The following GFPT2 variants were observed in gnomAD, a reference collection of about 807,000 sequenced individuals.
GFPT2 encodes the protein glutamine--fructose-6-phosphate aminotransferase [isomerizing] 2.
In GFPT2, 62 loss-of-function variants were observed where a neutral mutation model predicts 85.6. The ratio of observed to expected loss-of-function variants is 0.72; its 90% CI spans 0.59 to 0.90. The LOEUF is 0.90. Ranked by LOEUF, GFPT2 falls within the 40% of genes least tolerant of loss-of-function variation. The pLI is 0.00. For synonymous variants in GFPT2, 368 were observed against 344.5 expected, an observed-to-expected ratio of 1.07 and a Z score of -0.75; for missense variants, 788 against 893.4, an observed-to-expected ratio of 0.88 and a Z score of 1.50.
Position 180,316,754 on chromosome 5 carries a change from TCA to T in GFPT2, c.1152+8_1152+9del. ...CCGTCGACTTCCCCACGCACATGTGTCACACTTACAGCCACGGCAGCGTGGTA... is the reference window on the plus strand; with the variant it reads ...CCGTCGACTTCCCCACGCACATGTGTCACTTACAGCCACGGCAGCGTGGTA... On this transcript the variant is annotated splice_region_variant and intron_variant, in intron 12 of 18. Coordinates refer to ENST00000253778, the MANE Select transcript of GFPT2 (RefSeq NM_005110.4). 1 of 1,592,992 alleles carries T rather than the reference TCA, an allele frequency of 6.3e-7. No homozygotes were observed. The highest frequency in any genetic ancestry group is 8.6e-7 in the Non-Finnish European group (1 of 1,161,302).
At position 180,307,213 on chromosome 5, in the gene GFPT2, C is replaced by T. The variant is rs756332218; in HGVS notation, c.1637G>A (p.Arg546Gln). Reference sequence around the variant, plus strand: ...CAGGCAGGTGGCATAGTTGTAGCCCCGCCCCATCACCAGCAGCGATCTCTG... The same window carrying T: ...CAGGCAGGTGGCATAGTTGTAGCCCTGCCCCATCACCAGCAGCGATCTCTG... ...YTQRSLLVMG[R>Q]GYNYATCLEG... is the part of the protein sequence containing the mutation. Residue 546 changes from arginine to glutamine, a missense_variant, in exon 16 of 19, where the codon CGG (arginine) becomes CAG (glutamine). Arg to Gln is a conservative substitution (Grantham distance 43). Coordinates refer to ENST00000253778, the MANE Select transcript of GFPT2 (RefSeq NM_005110.4). 9.3e-6 allele frequency: 15 copies of T among 1,607,956 alleles called. No homozygotes were observed. Among genetic ancestry groups the T allele is most frequent in the African/African-American group, 2.7e-5 (2 of 74,830 alleles).
At chr5:180,304,562 G>T (rs1191893285) in intron 17 of GFPT2, among the ~76,000 whole-genome samples, 1 of 152,212 alleles carries the variant, frequency 6.6e-6, no homozygotes, top group African/African-American at 2.4e-5. Flanking sequence ...GGGTCCCTGG[G>T]CCCCACCAAA....
chr5:180,325,797 C>A lies in GFPT2; in HGVS notation c.597-902G>T, dbSNP rs116180456. Among the ~76,000 whole-genome samples, 1,258 of 152,322 alleles carry A rather than the reference C, an allele frequency of 8.3e-3. 16 individuals are homozygous for A. The highest frequency in any genetic ancestry group is 0.028 in the African/African-American group (1,174 of 41,564). On this transcript the variant is annotated intron_variant, in intron 7 of 18. Transcript: ENST00000253778. ...ATCCCAGCACTTTGCGGGGCTGAAG[C>A]GCGCAGATCACGAGATCAGGAGTTT...
chr5:180,316,724 G>T, intron 12 of GFPT2, 40 bp downstream of exon 12: 2 of 1,398,498 alleles, frequency 1.4e-6, no homozygotes, highest in Non-Finnish European at 2.0e-6. Flanking sequence ...TCTGGTCCTA[G>T]ACTGCCGTCG....
intron 1 of GFPT2, chr5:180,352,695 C>G: frequency 2.3e-6 from 1 of 426,346 alleles, no homozygotes; most frequent in Admixed American, 2.5e-5. Context: ...CTGCCTGAGG[C>G]ACTGACGCAG....
At chr5:180,326,161 G>T (rs1469247146) in intron 7 of GFPT2, among the ~76,000 whole-genome samples, 1 of 152,146 alleles carries the variant, frequency 6.6e-6, no homozygotes, top group Admixed American at 6.5e-5. Flanking sequence ...ACAGAAATAA[G>T]AGGCTCACTC....
chr5:180,353,165 C>T (rs1195068110), intron 1 of GFPT2, 46 bp downstream of exon 1: 4 of 1,229,578 alleles, frequency 3.3e-6, no homozygotes, highest in Non-Finnish European at 4.1e-6. Context: ...GCGCCGGGAC[C>T]CGCGGACGGC....
At chr5:180,352,248 A>C in intron 1 of GFPT2, 1 of 358,888 alleles carries the variant, frequency 2.8e-6, no homozygotes, top group Non-Finnish European at 5.3e-6. Context: ...GGCCCTCAGC[A>C]AAGTCAGAGA....
At position 180,330,929 on chromosome 5, in the gene GFPT2, T is replaced by C; in HGVS notation, c.400-95A>G. On this transcript the variant is annotated intron_variant, in intron 5 of 18. Transcript: ENST00000253778. The surrounding 1 kb of genome is among the most constrained non-coding windows in gnomAD (Gnocchi z 4.4). ...CCTCCCTGGTGATCTGCCCTTGGAG[T>C]GACTTAAGTCAAGAACAGGGAAAAC... 8.6e-7 allele frequency: 1 copy of C among 1,161,330 alleles called. No individual in the cohort carries two copies. Among genetic ancestry groups the C allele is most frequent in the Non-Finnish European group, 1.2e-6 (1 of 808,830 alleles). The allele number at this position is 1,161,330 out of a possible 1,614,324, so 71.9% of individuals were successfully genotyped here.
chr5:180,352,448 A>T, intron 1 of GFPT2: 1 of 452,674 alleles, frequency 2.2e-6, no homozygotes, highest in Non-Finnish European at 4.4e-6. Context: ...AGAATTGCAG[A>T]TGTGCGCTCC....
intron 1 of GFPT2, among the ~76,000 whole-genome samples, chr5:180,346,497 C>A (rs1194801910): frequency 3.3e-5 from 5 of 152,186 alleles, no homozygotes; most frequent in African/African-American, 4.8e-5. Flanking sequence ...GTGACCACGG[C>A]AAGGCAGGTT....
intron 4 of GFPT2, among the ~76,000 whole-genome samples, chr5:180,334,003 C>A (rs929795109): frequency 6.6e-6 from 1 of 152,230 alleles, no homozygotes; most frequent in East Asian, 1.9e-4. Flanking sequence ...GCCAGCACGA[C>A]TGCCCCAGGG....
At chr5:180,305,974 TC>T (rs1353183403) in intron 16 of GFPT2, among the ~76,000 whole-genome samples, 2 of 143,428 alleles carry the variant, frequency 1.4e-5, no homozygotes, top group Non-Finnish European at 3.1e-5. Context: ...CTTTTTTTTT[TC>T]TTTCTTTCTT....
intron 7 of GFPT2, among the ~76,000 whole-genome samples, chr5:180,326,709 A>T (rs1764216981): frequency 6.6e-6 from 1 of 152,212 alleles, no homozygotes; most frequent in Admixed American, 6.5e-5. Context: ...GTGAGAAAGT[A>T]GGTGGATATC....
chr5:180,335,722 TGAG>T, intron 4 of GFPT2, 103 bp downstream of exon 4: 1 of 1,162,238 alleles, frequency 8.6e-7, no homozygotes, highest in Non-Finnish European at 1.2e-6. Context: ...TGAAGTAGGC[TGAG>T]AAGTCAGTTA....
chr5:180,324,728 CT>C (rs1274210515), intron 8 of GFPT2, 87 bp downstream of exon 8: 1 of 885,932 alleles, frequency 1.1e-6, no homozygotes, highest in Non-Finnish European at 1.9e-6. Flanking sequence ...GTTTCCTTGC[CT>C]CAGAGGGGAG....
In GFPT2 at chr5:180,307,207, T is replaced by C; in HGVS notation, c.1643A>G (p.Tyr548Cys). The change falls in exon 16 of 19, where the codon TAC (tyrosine) becomes TGC (cysteine). Residue 548 changes from tyrosine to cysteine, a missense_variant. Physicochemically the swap from Tyr to Cys is radical, Grantham distance 194. Coordinates refer to ENST00000253778, the MANE Select transcript of GFPT2 (RefSeq NM_005110.4). ...QRSLLVMGRG[Y>C]NYATCLEGAL... ...TCCTTCCAGGCAGGTGGCATAGTTGTAGCCCCGCCCCATCACCAGCAGCGA... is the reference window on the plus strand; with the variant it reads ...TCCTTCCAGGCAGGTGGCATAGTTGCAGCCCCGCCCCATCACCAGCAGCGA... 2 of 1,604,220 alleles carry C rather than the reference T, an allele frequency of 1.2e-6. No individual in the cohort carries two copies. The highest frequency in any genetic ancestry group is 2.2e-5 in the South Asian group (2 of 89,030).
chr5:180,331,242 G>C (rs1379759473), intron 5 of GFPT2, among the ~76,000 whole-genome samples: 1 of 152,244 alleles, frequency 6.6e-6, no homozygotes, highest in Admixed American at 6.5e-5. Context: ...ATAAAACGAA[G>C]CTCCTGTTAT....
At chr5:180,317,758 C>CA (rs11356791) in intron 10 of GFPT2, among the ~76,000 whole-genome samples, 139 of 83,108 alleles carry the variant, frequency 1.7e-3, no homozygotes, top group Middle Eastern at 6.1e-3. Context: ...GACTCCGTCT[C>CA]AAAAAAAAAA....
Sources: allele counts gnomAD v4.1 joint callset (sites outside exome capture counted in the v4.1 genomes callset), GRCh38; gene constraint gnomAD v4.1.1; non-coding constraint Gnocchi (gnomAD v3.1); transcripts MANE v1.5; gene names NCBI Gene and HGNC (gene_info 2026-07-23, HGNC 2026-07-21).